INPP4A: variants seen among roughly 807,000 people sequenced by gnomAD.
INPP4A encodes inositol polyphosphate-4-phosphatase, type I, 107kD.
A neutral mutation model predicts 119.8 loss-of-function variants in INPP4A; 33 were observed. The observed-to-expected ratio is 0.28, with a 90% CI of 0.21 to 0.37. The LOEUF (loss-of-function observed/expected upper bound fraction) is 0.37, where lower values mean the gene tolerates loss of function less well. Ranked by LOEUF, INPP4A falls within the 10% of genes least tolerant of loss-of-function variation. The pLI, the probability that INPP4A is intolerant of heterozygous loss-of-function variation, is 1.00. For synonymous variants in INPP4A, 496 were observed against 500.7 expected, an observed-to-expected ratio of 0.99 and a Z score of 0.12; for missense variants, 956 against 1,289.9, an observed-to-expected ratio of 0.74 and a Z score of 3.97.
intron 13 of INPP4A, among the ~76,000 whole-genome samples, chr2:98,548,205 G>A (rs1173077633): frequency 6.6e-6 from 1 of 152,148 alleles, no homozygotes; most frequent in South Asian, 2.1e-4. Flanking sequence ...CCCAGAGCCC[G>A]GTGAGTCCCG....
rs758380966 is a variant in INPP4A at position 98,554,229 on chromosome 2, C to T, written c.1348-42C>T. Reference sequence around the variant, plus strand: ...AGATAAGGCAGGGGCCTCCCCAGCCCCTGGCCTGGGCTCAGCAGCCTTGGT... The same window carrying T: ...AGATAAGGCAGGGGCCTCCCCAGCCTCTGGCCTGGGCTCAGCAGCCTTGGT... On this transcript the variant is annotated intron_variant, in intron 14 of 24. Coordinates refer to ENST00000409851, the MANE Select transcript of INPP4A (RefSeq NM_001134225.2). The surrounding 1 kb of genome is among the most constrained non-coding windows in gnomAD (Gnocchi z 4.7). 6.6e-7 allele frequency: 1 copy of T among 1,515,144 alleles called. No homozygotes were observed. Among genetic ancestry groups the T allele is most frequent in the South Asian group, 1.2e-5 (1 of 82,682 alleles). 93.9% of individuals were successfully genotyped at this position (1,515,144 alleles called of 1,614,324 possible). A position where few individuals can be genotyped will look rare whatever the true frequency, so the allele number is the denominator to read the frequency against.
intron 1 of INPP4A, among the ~76,000 whole-genome samples, chr2:98,507,927 C>T (rs1053963508): frequency 6.6e-6 from 1 of 152,182 alleles, no homozygotes; most frequent in Non-Finnish European, 1.5e-5. Context: ...AGCAGGAGTT[C>T]CCATGACTGT....
intron 1 of INPP4A, among the ~76,000 whole-genome samples, chr2:98,512,757 A>T (rs758803394): frequency 2.0e-5 from 3 of 152,206 alleles, no homozygotes; most frequent in Non-Finnish European, 2.9e-5. Flanking sequence ...TTTGGAGAAC[A>T]CGTTCAAACT....
intron 17 of INPP4A, 96 bp from the exon 18 acceptor site, chr2:98,563,369 C>T (rs1346171287): frequency 8.9e-7 from 1 of 1,121,090 alleles, no homozygotes; most frequent in African/African-American, 1.6e-5. Flanking sequence ...AGTGGGAGGA[C>T]TGCAGTGGTT....
intron 10 of INPP4A, among the ~76,000 whole-genome samples, chr2:98,541,380 C>T (rs1484896356): frequency 6.6e-6 from 1 of 151,824 alleles, no homozygotes; most frequent in African/African-American, 2.4e-5. Flanking sequence ...ATATCTTTCA[C>T]CTAAAATCAC....
intron 24 of INPP4A, chr2:98,581,930 TATTTCACCAAGAA>T: frequency 1.9e-6 from 2 of 1,063,160 alleles, no homozygotes; most frequent in South Asian, 3.8e-5. Context: ...TCTGCCAAAT[TATTTCACCAAGAA>T]GACTTGTTTG....
chr2:98,572,489 C>T (rs1032425957), intron 22 of INPP4A, among the ~76,000 whole-genome samples: 7 of 152,230 alleles, frequency 4.6e-5, no homozygotes, highest in Non-Finnish European at 8.8e-5. Flanking sequence ...ATCCCTCTCA[C>T]TCCCTCCTAA....
rs55756912 is a variant in INPP4A at position 98,593,798 on chromosome 2, T to TGGTCTGTATCAGTCCC, written c.*6191_*6206dup. 0.25 allele frequency: 38,284 copies of TGGTCTGTATCAGTCCC among 151,906 alleles called. 4,902 individuals are homozygous for TGGTCTGTATCAGTCCC. The highest frequency in any genetic ancestry group is 0.35 in the Middle Eastern group (103 of 294). The allele number at this position is 151,906 out of a possible 1,614,324, so 9.4% of individuals were successfully genotyped here. On this transcript the variant is annotated 3_prime_UTR_variant, in exon 25 of 25. Transcript: ENST00000409851. ...ATTTCCATCCATGCACCCCAAGGCC[T>TGGTCTGTATCAGTCCC]GGTCTGTATCAGTCCCCTCGGATCT... is the stretch of plus-strand genomic sequence containing the variant.
At chr2:98,508,664 A>G (rs1289454633) in intron 1 of INPP4A, among the ~76,000 whole-genome samples, 2 of 152,200 alleles carry the variant, frequency 1.3e-5, no homozygotes, top group Non-Finnish European at 2.9e-5. Context: ...TGGACAACAG[A>G]CGGGCAAACT....
At chr2:98,575,367 A>G (rs1359682973) in intron 23 of INPP4A, among the ~76,000 whole-genome samples, 1 of 152,010 alleles carries the variant, frequency 6.6e-6, no homozygotes, top group Non-Finnish European at 1.5e-5. Context: ...GCTTTTTGAA[A>G]CCTATAGTTC....
intron 14 of INPP4A, 110 bp downstream of exon 14, chr2:98,553,079 G>A: frequency 1.2e-6 from 1 of 865,800 alleles, no homozygotes; most frequent in Non-Finnish European, 1.8e-6. Context: ...GTGACATTGG[G>A]ATGACTTTGA....
intron 1 of INPP4A, among the ~76,000 whole-genome samples, chr2:98,457,710 T>G (rs1696373625): frequency 6.6e-6 from 1 of 152,242 alleles, no homozygotes; most frequent in African/African-American, 2.4e-5. Flanking sequence ...TAAAGCTGTT[T>G]GAGCTTGCTA....
At chr2:98,568,465 T>A (rs1696878158) in intron 21 of INPP4A, 106 bp from the exon 22 acceptor site, 2 of 646,952 alleles carry the variant, frequency 3.1e-6, no homozygotes, top group South Asian at 3.7e-5. Flanking sequence ...TAGATATGCA[T>A]AGTAAATGTT....
At chr2:98,568,798 C>T in intron 22 of INPP4A, 130 bp downstream of exon 22, 1 of 648,368 alleles carries the variant, frequency 1.5e-6, no homozygotes, top group Non-Finnish European at 2.9e-6. Context: ...CCCTTTCTCC[C>T]TAAACACACA....
chr2:98,554,083 T>A lies in INPP4A; in HGVS notation c.1348-188T>A, dbSNP rs1277357482. Among the ~76,000 whole-genome samples the A allele has an allele frequency of 6.6e-6, 1 of 152,240 alleles. No individual in the cohort carries two copies. The highest frequency in any genetic ancestry group is 2.4e-5 in the African/African-American group (1 of 41,460). ...AATTCTTGTTAAGATTCAGCCCAAG[T>A]GGGCCACATGGCAGTCTTTGTACTC... On this transcript the variant is annotated intron_variant, in intron 14 of 24. Transcript: ENST00000409851. The surrounding 1 kb of genome is among the most constrained non-coding windows in gnomAD (Gnocchi z 4.7).
chr2:98,473,969 C>T (rs1192847978), intron 1 of INPP4A, among the ~76,000 whole-genome samples: 1 of 152,202 alleles, frequency 6.6e-6, no homozygotes, highest in African/African-American at 2.4e-5. Context: ...AATCACCTCT[C>T]CCACTTTGCC....
intron 23 of INPP4A, among the ~76,000 whole-genome samples, chr2:98,576,739 G>A (rs1479442831): frequency 6.6e-6 from 1 of 152,242 alleles, no homozygotes; most frequent in African/African-American, 2.4e-5. Context: ...ACAGGGGATG[G>A]CAGGGATGAT....
chr2:98,516,876 T>TA (rs1686231769), intron 1 of INPP4A, among the ~76,000 whole-genome samples: 1 of 152,126 alleles, frequency 6.6e-6, no homozygotes, highest in Non-Finnish European at 1.5e-5. Flanking sequence ...AGTACCTCTT[T>TA]AAATGGCTGC....
intron 7 of INPP4A, among the ~76,000 whole-genome samples, chr2:98,537,222 A>T (rs1339230572): frequency 6.6e-6 from 1 of 152,192 alleles, no homozygotes; most frequent in Non-Finnish European, 1.5e-5. Flanking sequence ...ATTAAGTGAG[A>T]CCTTGTAAAT....
Sources: allele counts gnomAD v4.1 joint callset (sites outside exome capture counted in the v4.1 genomes callset), GRCh38; gene constraint gnomAD v4.1.1; non-coding constraint Gnocchi (gnomAD v3.1); transcripts MANE v1.5; gene names NCBI Gene and HGNC (gene_info 2026-07-23, HGNC 2026-07-21).